The following MKS1 variants were observed in gnomAD, a reference collection of about 807,000 sequenced individuals.
The protein encoded by MKS1 is MKS transition zone complex subunit 1.
MKS1 carries 70 observed loss-of-function variants against 83.7 expected under a neutral mutation model. The observed-to-expected ratio is 0.84, with a 90% confidence interval of 0.69 to 1.02. The LOEUF (loss-of-function observed/expected upper bound fraction) is 1.02. Ranked by LOEUF, MKS1 falls within the 50% of genes least tolerant of loss-of-function variation. The probability of loss-of-function intolerance (pLI) is 0.00; values close to 1 mark genes in which losing one functional copy is unlikely to be tolerated. For missense variants in MKS1, 681 were observed against 726.9 expected, an observed-to-expected ratio of 0.94 and a Z score of 0.73; for synonymous variants, 251 against 273.4, an observed-to-expected ratio of 0.92 and a Z score of 0.81.
intron 13 of MKS1, 39 bp downstream of exon 13, chr17:58,208,066 G>C (rs748281939): frequency 2.5e-6 from 4 of 1,607,606 alleles, no homozygotes; most frequent in Non-Finnish European, 3.4e-6. Context: ...CACTGCTTGA[G>C]GGGAACCAAG....
chr17:58,218,766 C>G (rs375521814), intron 1 of MKS1, 37 bp from the exon 2 acceptor site: 1 of 1,527,620 alleles, frequency 6.5e-7, no homozygotes, highest in African/African-American at 1.4e-5. Flanking sequence ...TTACCAGACA[C>G]GCAACCAGGA....
chr17:58,207,057 G>A lies in MKS1; in HGVS notation c.1407+28C>T, dbSNP rs768768368. ...AAGGACAGGACCATAAGTTCTCAGC[G>A]TGAAGTCACTCCAAAGACAAAAGTC... On this transcript the variant is annotated intron_variant, in intron 15 of 17. Coordinates refer to ENST00000393119, the MANE Select transcript of MKS1 (RefSeq NM_017777.4). The A allele has an allele frequency of 5.0e-6, 8 of 1,613,914 alleles. No individual in the cohort carries two copies. In the African/African-American group the frequency reaches 6.7e-5, roughly 13 times the overall value.
Position 58,205,571 on chromosome 17 carries a change from C to G in MKS1, c.*508G>C. On this transcript the variant is annotated 3_prime_UTR_variant, in exon 18 of 18. Transcript: ENST00000393119. ...AGCCTTCACTTACTCAGAAATAACT[C>G]ATATCTCAACCTCAGCAAGCCCCAA... 2 of 1,305,050 alleles carry G rather than the reference C, an allele frequency of 1.5e-6. No individual in the cohort carries two copies. Among genetic ancestry groups the G allele is most frequent in the Non-Finnish European group, 2.0e-6 (2 of 989,506 alleles). 80.8% of individuals were successfully genotyped at this position (1,305,050 alleles called of 1,614,324 possible).
In MKS1 at chr17:58,205,634, TCA is replaced by T. The variant is rs1968456600; in HGVS notation, c.*443_*444del. ...GGCTTCCCTGGAAAGAGGCTGAGAC[TCA>T]CAGGCTGGGGATTTAAGACCCTCTC... On this transcript the variant is annotated 3_prime_UTR_variant, in exon 18 of 18. Coordinates refer to ENST00000393119, the MANE Select transcript of MKS1 (RefSeq NM_017777.4). 7.7e-7 allele frequency: 1 copy of T among 1,307,052 alleles called. No individual in the cohort carries two copies. The highest frequency in any genetic ancestry group is 2.3e-5 in the Admixed American group (1 of 43,608). 81.0% of individuals were successfully genotyped at this position (1,307,052 alleles called of 1,614,324 possible). A position where few individuals can be genotyped will look rare whatever the true frequency, so the allele number is the denominator to read the frequency against.
intron 4 of MKS1, chr17:58,215,742 A>G (rs1408270712): frequency 6.1e-6 from 2 of 326,796 alleles, no homozygotes; most frequent in Middle Eastern, 1.0e-3. Context: ...GATGAATTTT[A>G]TCTATATTGT....
chr17:58,217,846 C>A (rs903112005), intron 2 of MKS1, among the ~76,000 whole-genome samples: 2 of 152,178 alleles, frequency 1.3e-5, no homozygotes, highest in East Asian at 3.8e-4. Flanking sequence ...CAAATCTAAT[C>A]TAATACACTC....
At position 58,207,936 on chromosome 17, in the gene MKS1, G is replaced by A. The variant is rs201036775; in HGVS notation, c.1231C>T (p.Arg411Cys). 1.8e-5 allele frequency: 29 copies of A among 1,614,044 alleles called. No individual in the cohort carries two copies. Among genetic ancestry groups the A allele is most frequent in the Admixed American group, 3.3e-5 (2 of 60,018 alleles). ...VLSLDFWQRY[R>C]VEGYGAVVLP... ...ACCACAGCCCCATAGCCTTCCACAC[G>A]GTACCTCTGCCAGAAGTCCAGCGAG... is the stretch of plus-strand genomic sequence containing the variant. The change falls in exon 14 of 18, where the codon CGT becomes TGT. Residue 411 changes from arginine to cysteine, a missense_variant. By Grantham distance (180) the Arg-to-Cys change is radical (BLOSUM62 -3). Transcript: ENST00000393119.
chr17:58,212,183 T>G (rs1301773948), intron 9 of MKS1, among the ~76,000 whole-genome samples, 195 bp downstream of exon 9: 9 of 152,198 alleles, frequency 5.9e-5, no homozygotes, highest in Non-Finnish European at 1.5e-5. Context: ...GACCTTTTTC[T>G]TAGCATTAAC....
chr17:58,217,059 A>C (rs543473879), intron 2 of MKS1, among the ~76,000 whole-genome samples: 1 of 152,164 alleles, frequency 6.6e-6, no homozygotes, highest in Non-Finnish European at 1.5e-5. Flanking sequence ...GCACTGTTTC[A>C]GCTCACTGCA....
At chr17:58,206,970 A>G (rs1282324714) in intron 15 of MKS1, 115 bp downstream of exon 15, 4 of 1,433,396 alleles carry the variant, frequency 2.8e-6, no homozygotes, top group Non-Finnish European at 3.9e-6. Flanking sequence ...ACAGGAAGGA[A>G]GGGGTTAATA....
Position 58,206,570 on chromosome 17 carries a change from C to T in MKS1, c.1408-23G>A. 1 of 1,602,822 alleles carries T rather than the reference C, an allele frequency of 6.2e-7. No individual in the cohort carries two copies. Among genetic ancestry groups the T allele is most frequent in the Non-Finnish European group, 8.5e-7 (1 of 1,174,818 alleles). On this transcript the variant is annotated intron_variant, in intron 15 of 17. Coordinates refer to ENST00000393119, the MANE Select transcript of MKS1 (RefSeq NM_017777.4). ...CCCCTGTGGCATGCCATTGGGACAGCCTCAGGTTTCTGCTCTCTCTAGACA... is the reference window on the plus strand; with the variant it reads ...CCCCTGTGGCATGCCATTGGGACAGTCTCAGGTTTCTGCTCTCTCTAGACA...
intron 3 of MKS1, 27 bp from the exon 4 acceptor site, chr17:58,216,270 T>G (rs191488115): frequency 6.2e-7 from 1 of 1,606,664 alleles, no homozygotes; most frequent in Non-Finnish European, 8.5e-7. Flanking sequence ...GAAACAGAGA[T>G]GTGTACATCA....
chr17:58,207,368 T>A lies in MKS1; in HGVS notation c.1274-150A>T. On this transcript the variant is annotated intron_variant, in intron 14 of 17. Transcript: ENST00000393119. ...TGGTGCAGGTTATCATGGTTACCCA[T>A]AGCACCTGTATGGAAATCAATCAGG... The A allele has an allele frequency of 1.6e-5, 17 of 1,071,628 alleles. No homozygotes were observed. The South Asian group carries it at 2.5e-4, about 16-fold the overall frequency. 66.4% of individuals were successfully genotyped at this position (1,071,628 alleles called of 1,614,324 possible).
intron 1 of MKS1, 62 bp from the exon 2 acceptor site, chr17:58,218,791 A>G: frequency 7.1e-7 from 1 of 1,413,304 alleles, no homozygotes; most frequent in South Asian, 1.2e-5. Flanking sequence ...AACACAAAGC[A>G]AGGATGGGGG....
At position 58,219,250 on chromosome 17, in the gene MKS1, G is replaced by C. The variant is rs115507363; in HGVS notation, c.-20C>G. 423 of 1,549,162 alleles carry C rather than the reference G, an allele frequency of 2.7e-4. No individual in the cohort carries two copies. Among genetic ancestry groups the C allele is most frequent in the Middle Eastern group, 1.0e-3 (6 of 5,786 alleles). On this transcript the variant is annotated 5_prime_UTR_variant, in exon 1 of 18. Transcript: ENST00000393119. Reference sequence around the variant, plus strand: ...CGCCATGACAGCTGCGACGCGCCGCGACTGCGCCGGAAAGCGCGCCGCTCT... The same window carrying C: ...CGCCATGACAGCTGCGACGCGCCGCCACTGCGCCGGAAAGCGCGCCGCTCT...
intron 6 of MKS1, 70 bp from the exon 7 acceptor site, chr17:58,213,939 C>T: frequency 1.2e-5 from 16 of 1,304,688 alleles, no homozygotes; most frequent in Non-Finnish European, 1.7e-5. Context: ...ATACTGAGCC[C>T]ACTGCAGGGG....
chr17:58,216,579 T>G lies in MKS1; in HGVS notation c.261+87A>C. On this transcript the variant is annotated intron_variant, in intron 3 of 17. Coordinates refer to ENST00000393119, the MANE Select transcript of MKS1 (RefSeq NM_017777.4). Reference sequence around the variant, plus strand: ...AAAGTATAAACTGTTACAACCTGTCTGGAAATCACTTTGGCAATATGTATC... The same window carrying G: ...AAAGTATAAACTGTTACAACCTGTCGGGAAATCACTTTGGCAATATGTATC... 4.2e-6 allele frequency: 6 copies of G among 1,416,890 alleles called. No individual in the cohort carries two copies. In the South Asian group the frequency reaches 5.8e-5, roughly 14 times the overall value. 87.8% of individuals were successfully genotyped at this position (1,416,890 alleles called of 1,614,324 possible).
intron 9 of MKS1, 119 bp downstream of exon 9, chr17:58,212,259 T>G (rs897068704): frequency 8.2e-7 from 1 of 1,213,878 alleles, no homozygotes; most frequent in East Asian, 2.3e-5. Flanking sequence ...TTCTTTGACT[T>G]CCTTTTCACA....
At chr17:58,218,467 A>G (rs1319067590) in intron 2 of MKS1, 153 bp downstream of exon 2, 4 of 385,078 alleles carry the variant, frequency 1.0e-5, no homozygotes, top group Non-Finnish European at 1.9e-5. Context: ...AAAAAAAAAA[A>G]AAAAAAAAAA....
Sources: allele counts gnomAD v4.1 joint callset (sites outside exome capture counted in the v4.1 genomes callset), GRCh38; gene constraint gnomAD v4.1.1; transcripts MANE v1.5; gene names NCBI Gene and HGNC (gene_info 2026-07-23, HGNC 2026-07-21).